Variants in EXOC1L observed in about 807,000 individuals in gnomAD.
EXOC1L encodes the protein exocyst complex component 1 like.
EXOC1L carries 10 observed loss-of-function variants against 4.9 expected under a neutral mutation model. The ratio of observed to expected loss-of-function variants is 2.02; its 90% CI spans 1.25 to 3.43. EXOC1L has a LOEUF of 3.43. EXOC1L is among the 30% of genes most tolerant of loss of function. The pLI, the probability that EXOC1L is intolerant of heterozygous loss-of-function variation, is 0.00. For synonymous variants in EXOC1L, 41 were observed against 20.8 expected (o/e 1.97, Z -2.63); for missense variants, 114 against 59.4 (o/e 1.92, Z -3.02).
Position 55,831,373 on chromosome 4 carries a change from A to ACAG in EXOC1L, c.162_163insAGC (p.His54_Tyr55insSer). On this transcript the variant is annotated inframe_insertion, in exon 2 of 3. Transcript: ENST00000636125. ...GAAGTAAAAATAGTCATGGTGAAAC[A>ACAG]CTACAGAATAGGTTTAGATGAAAAA... 1.5e-6 allele frequency: 1 copy of ACAG among 680,304 alleles called. No homozygotes were observed. The highest frequency in any genetic ancestry group is 2.7e-6 in the Non-Finnish European group (1 of 375,860). The allele number at this position is 680,304 out of a possible 1,614,324, so 42.1% of individuals were successfully genotyped here. A position where few individuals can be genotyped will look rare whatever the true frequency, so the allele number is the denominator to read the frequency against.
chr4:55,826,953 G>A (rs1719899547), intron 1 of EXOC1L, among the ~76,000 whole-genome samples: 1 of 152,172 alleles, frequency 6.6e-6, no homozygotes, highest in African/African-American at 2.4e-5. Context: ...TGACTCGTAG[G>A]ACTCACCTTC....
At chr4:55,821,439 G>T (rs1039071600) in intron 1 of EXOC1L, among the ~76,000 whole-genome samples, 1 of 151,984 alleles carries the variant, frequency 6.6e-6, no homozygotes, top group Non-Finnish European at 1.5e-5. Flanking sequence ...TAGAGAAGAT[G>T]CTTATTCCAA....
intron 1 of EXOC1L, among the ~76,000 whole-genome samples, chr4:55,825,329 T>C (rs1188824129): frequency 6.6e-6 from 1 of 152,018 alleles, no homozygotes; most frequent in East Asian, 1.9e-4. Flanking sequence ...CCAGTAAGAG[T>C]AGATGCTTTT....
intron 2 of EXOC1L, among the ~76,000 whole-genome samples, chr4:55,835,095 T>G (rs922565439): frequency 2.6e-5 from 4 of 151,888 alleles, no homozygotes; most frequent in Non-Finnish European, 5.9e-5. Context: ...TTTCCATTCC[T>G]GAGTTACTTC....
intron 1 of EXOC1L, among the ~76,000 whole-genome samples, chr4:55,824,254 GTCTC>G (rs553546022): frequency 9.7e-4 from 140 of 143,878 alleles, no homozygotes; most frequent in African/African-American, 3.1e-3. Flanking sequence ...TTTTTTTCAA[GTCTC>G]TCTCTCTCTC....
chr4:55,831,612 G>T (rs562490683), intron 2 of EXOC1L, 148 bp downstream of exon 2: 12 of 427,562 alleles, frequency 2.8e-5, no homozygotes, highest in Non-Finnish European at 4.9e-5. Flanking sequence ...CTACTGGGAT[G>T]ATGTACTGGT....
intron 1 of EXOC1L, among the ~76,000 whole-genome samples, chr4:55,824,650 C>G (rs1401229839): frequency 1.3e-5 from 2 of 152,136 alleles, no homozygotes; most frequent in Non-Finnish European, 2.9e-5. Context: ...CATGAGCCAC[C>G]ACACCCAGCC....
chr4:55,820,342 A>G (rs1468670795), intron 1 of EXOC1L, among the ~76,000 whole-genome samples, 195 bp downstream of exon 1: 1 of 152,222 alleles, frequency 6.6e-6, no homozygotes, highest in Non-Finnish European at 1.5e-5. Context: ...GAAAGAAAAA[A>G]ACATTGTATT....
intron 1 of EXOC1L, among the ~76,000 whole-genome samples, chr4:55,822,664 G>T (rs1280235779): frequency 6.6e-6 from 1 of 152,170 alleles, no homozygotes; most frequent in Non-Finnish European, 1.5e-5. Context: ...GGCAAACTTG[G>T]TGTGAAACCT....
intron 1 of EXOC1L, among the ~76,000 whole-genome samples, chr4:55,822,076 A>G (rs1240211590): frequency 6.6e-6 from 1 of 152,200 alleles, no homozygotes; most frequent in Non-Finnish European, 1.5e-5. Flanking sequence ...GAGTCACATT[A>G]TGATTTCCTC....
In EXOC1L at chr4:55,836,845, A is replaced by T. The variant is rs188821139; in HGVS notation, c.253-240A>T. ...TTAATAACCACACAGTCTGAGGCAC[A>T]TTTTATTTGTCTAATTGAAAAAACA... On this transcript the variant is annotated intron_variant, in intron 2 of 2. Transcript: ENST00000636125. Among the ~76,000 whole-genome samples the T allele has an allele frequency of 7.6e-3, 1,163 of 152,080 alleles. 6 individuals are homozygous for T. The highest frequency in any genetic ancestry group is 0.026 in the African/African-American group (1,092 of 41,542).
intron 1 of EXOC1L, among the ~76,000 whole-genome samples, chr4:55,827,621 T>C (rs1266684407): frequency 6.6e-6 from 1 of 152,192 alleles, no homozygotes; most frequent in Non-Finnish European, 1.5e-5. Context: ...CATAACATGC[T>C]TTTCATAACA....
intron 1 of EXOC1L, among the ~76,000 whole-genome samples, chr4:55,829,509 T>G (rs1719969453): frequency 1.3e-5 from 2 of 152,334 alleles, no homozygotes; most frequent in Admixed American, 6.5e-5. Context: ...TGTACATAAC[T>G]GCTGCCAGAA....
At chr4:55,826,102 A>G (rs1390839964) in intron 1 of EXOC1L, among the ~76,000 whole-genome samples, 3 of 150,640 alleles carry the variant, frequency 2.0e-5, no homozygotes, top group Non-Finnish European at 3.0e-5. Flanking sequence ...AAAAAAAAAA[A>G]GAAAGAAAAG....
intron 1 of EXOC1L, among the ~76,000 whole-genome samples, chr4:55,821,989 A>T (rs1719756001): frequency 6.6e-6 from 1 of 152,202 alleles, no homozygotes; most frequent in Admixed American, 6.5e-5. Context: ...TCCATTGGTA[A>T]TGAATCAAAG....
At chr4:55,827,423 A>G (rs973946946) in intron 1 of EXOC1L, among the ~76,000 whole-genome samples, 3 of 152,196 alleles carry the variant, frequency 2.0e-5, no homozygotes, top group African/African-American at 4.8e-5. Flanking sequence ...TACTTTGTCT[A>G]TTTCTTATTT....
chr4:55,820,912 T>C (rs570867338), intron 1 of EXOC1L, among the ~76,000 whole-genome samples: 1 of 152,350 alleles, frequency 6.6e-6, no homozygotes, highest in African/African-American at 2.4e-5. Flanking sequence ...ACAGGAGTGC[T>C]CATGCCATTA....
intron 2 of EXOC1L, among the ~76,000 whole-genome samples, chr4:55,832,369 C>T (rs986012793): frequency 2.0e-5 from 3 of 151,952 alleles, no homozygotes; most frequent in Non-Finnish European, 4.4e-5. Context: ...CTTCATTTGG[C>T]CTATTGTTCC....
At chr4:55,829,973 T>C (rs1010274673) in intron 1 of EXOC1L, among the ~76,000 whole-genome samples, 1 of 152,240 alleles carries the variant, frequency 6.6e-6, no homozygotes, top group Non-Finnish European at 1.5e-5. Flanking sequence ...TCTTTGATTC[T>C]ACCTGGTGAC....
Sources: allele counts gnomAD v4.1 joint callset (sites outside exome capture counted in the v4.1 genomes callset), GRCh38; gene constraint gnomAD v4.1.1; transcripts MANE v1.5; gene names NCBI Gene and HGNC (gene_info 2026-07-23, HGNC 2026-07-21).